The following CUX2 variants were observed in gnomAD, a reference collection of about 807,000 sequenced individuals.
The protein encoded by CUX2 is cut like homeobox 2, also known as homeobox protein cut-like 2.
In CUX2, 40 loss-of-function variants were observed where a neutral mutation model predicts 144.8. That is an observed-to-expected ratio of 0.28 (90% CI 0.21 to 0.36). The LOEUF (loss-of-function observed/expected upper bound fraction) is 0.36, where lower values mean the gene tolerates loss of function less well. CUX2 is among the 10% of genes least tolerant of loss of function. The pLI is 1.00. For synonymous variants in CUX2, 827 were observed against 875.6 expected (o/e 0.94, Z 0.98); for missense variants, 1,615 against 1,994.0 (o/e 0.81, Z 3.62).
At chr12:111,130,205 G>T (rs188876119) in intron 1 of CUX2, among the ~76,000 whole-genome samples, 149 of 152,288 alleles carry the variant, frequency 9.8e-4, no homozygotes, top group African/African-American at 3.4e-3. Flanking sequence ...TCATTCAAAG[G>T]GTTCTGGGTC....
intron 1 of CUX2, among the ~76,000 whole-genome samples, chr12:111,091,339 C>T (rs1003062010): frequency 4.6e-5 from 7 of 152,204 alleles, no homozygotes; most frequent in South Asian, 2.1e-4. Context: ...CCGACTCAGC[C>T]GTGCCCTTTT....
chr12:111,054,834 C>T (rs1870442804), intron 1 of CUX2, among the ~76,000 whole-genome samples: 1 of 152,166 alleles, frequency 6.6e-6, no homozygotes, highest in Non-Finnish European at 1.5e-5. Flanking sequence ...ACCATGTTGG[C>T]CAGGCTGGTC....
chr12:111,284,185 A>C (rs952653099), intron 4 of CUX2, among the ~76,000 whole-genome samples: 1 of 151,982 alleles, frequency 6.6e-6, no homozygotes, highest in Non-Finnish European at 1.5e-5. Context: ...GGGCCAAAGC[A>C]CCCGCCTCCA....
rs1394266515 is a variant in CUX2, at chr12:111,349,929, C to T, written c.*1604C>T. The stretch of plus-strand genomic sequence containing the variant: ...CATTTTGAAACCATATGGGCAAAAC[C>T]CGGCAACCAGAAGGGGACAGATAAG... On this transcript the variant is annotated 3_prime_UTR_variant, in exon 22 of 22. Coordinates refer to ENST00000261726, the MANE Select transcript of CUX2 (RefSeq NM_015267.4). The T allele has an allele frequency of 2.0e-5, 3 of 152,222 alleles. No homozygotes were observed. Among genetic ancestry groups the T allele is most frequent in the Admixed American group, 6.6e-5 (1 of 15,236 alleles). The allele number at this position is 152,222 out of a possible 1,614,324, so 9.4% of individuals were successfully genotyped here. A position where few individuals can be genotyped will look rare whatever the true frequency, so the allele number is the denominator to read the frequency against.
intron 1 of CUX2, among the ~76,000 whole-genome samples, chr12:111,181,963 G>C (rs1455292739): frequency 6.6e-6 from 1 of 152,144 alleles, no homozygotes; most frequent in Non-Finnish European, 1.5e-5. Context: ...TAATTCATGG[G>C]GGGTGCAAGG....
chr12:111,238,882 T>C (rs1314964102), intron 3 of CUX2, among the ~76,000 whole-genome samples: 1 of 152,070 alleles, frequency 6.6e-6, no homozygotes, highest in African/African-American at 2.4e-5. Flanking sequence ...CTGTCTCTAC[T>C]AAAAATACAA....
rs1886931618 is a variant in CUX2 at position 111,312,029 on chromosome 12, CT to C, written c.1901-70del. The C allele has an allele frequency of 2.2e-6, 3 of 1,390,336 alleles. No homozygotes were observed. The highest frequency in any genetic ancestry group is 3.0e-6 in the Non-Finnish European group (3 of 1,004,272). The allele number at this position is 1,390,336 out of a possible 1,614,324, so 86.1% of individuals were successfully genotyped here. On this transcript the variant is annotated intron_variant, in intron 15 of 21. Transcript: ENST00000261726. The surrounding 1 kb of genome is among the most constrained non-coding windows in gnomAD (Gnocchi z 4.3). The stretch of plus-strand genomic sequence containing the variant: ...CTTCTGGGAGGAGGAGACAGCCCCC[CT>C]ACCCCACCAGGCTCCGGAGACTGAG...
chr12:111,304,406 T>C lies in CUX2; in HGVS notation c.858+92T>C. On this transcript the variant is annotated intron_variant, in intron 10 of 21. Coordinates refer to ENST00000261726, the MANE Select transcript of CUX2 (RefSeq NM_015267.4). This position sits in a 1 kb window ranked among gnomAD's most constrained non-coding sequence, Gnocchi z 4.7. The stretch of plus-strand genomic sequence containing the variant: ...AGGTTTCAGCATGTGGGTGACACTT[T>C]GTGGTTGATTGTGTGCATCCATTTG... 1.0e-6 allele frequency: 1 copy of C among 996,090 alleles called. No homozygotes were observed. The highest frequency in any genetic ancestry group is 1.4e-5 in the South Asian group (1 of 70,550). The allele number at this position is 996,090 out of a possible 1,614,324, so 61.7% of individuals were successfully genotyped here.
In CUX2 at chr12:111,084,816, G is replaced by A. The variant is rs540283337; in HGVS notation, c.63+50576G>A. On this transcript the variant is annotated intron_variant, in intron 1 of 21. Coordinates refer to ENST00000261726, the MANE Select transcript of CUX2 (RefSeq NM_015267.4). ...TGGCGGGCGGGCTGGTAGACAGCCC[G>A]CTGTACCTGCTCTCACTCGGGCTCC... 4.6e-5 allele frequency among the ~76,000 whole-genome samples: 7 copies of A among 151,446 alleles called. No homozygotes were observed. The South Asian group carries it at 8.6e-4, about 19-fold the overall frequency.
chr12:111,332,227 G>C (rs971328651), intron 18 of CUX2, among the ~76,000 whole-genome samples: 1 of 145,038 alleles, frequency 6.9e-6, no homozygotes, highest in East Asian at 2.1e-4. Context: ...CCGCCTCCCA[G>C]GTTCAAGCGA....
At chr12:111,329,843 G>T (rs1888011597) in intron 18 of CUX2, among the ~76,000 whole-genome samples, 1 of 152,100 alleles carries the variant, frequency 6.6e-6, no homozygotes, top group Non-Finnish European at 1.5e-5. Flanking sequence ...CACCATGTTG[G>T]CCAGGCTGGT....
chr12:111,180,882 G>GCTC (rs1412547956), intron 1 of CUX2, among the ~76,000 whole-genome samples: 2 of 152,240 alleles, frequency 1.3e-5, no homozygotes, highest in African/African-American at 4.8e-5. Flanking sequence ...AACCTCCCGG[G>GCTC]CTCCTCCTTT....
At chr12:111,217,267 G>C (rs556902227) in intron 2 of CUX2, among the ~76,000 whole-genome samples, 89 of 152,314 alleles carry the variant, frequency 5.8e-4, no homozygotes, top group African/African-American at 2.0e-3. Flanking sequence ...TGCAGAGCTC[G>C]AATGGGGTAT....
intron 4 of CUX2, among the ~76,000 whole-genome samples, chr12:111,264,660 G>A (rs768196319): frequency 6.6e-5 from 10 of 152,134 alleles, no homozygotes; most frequent in Non-Finnish European, 1.2e-4. Context: ...CAGGAGAATC[G>A]CTTGAACCCA....
chr12:111,075,232 C>T (rs1019831190), intron 1 of CUX2, among the ~76,000 whole-genome samples: 1 of 152,190 alleles, frequency 6.6e-6, no homozygotes, highest in African/African-American at 2.4e-5. Context: ...GCCAACTAGG[C>T]GGGCCGACCC....
intron 1 of CUX2, among the ~76,000 whole-genome samples, chr12:111,207,298 G>A (rs1880973921): frequency 1.3e-5 from 2 of 152,238 alleles, no homozygotes; most frequent in South Asian, 4.1e-4. Context: ...GTCTCTGCAT[G>A]ATGGCCTTTG....
rs1051897244 is a variant in CUX2, at chr12:111,291,413, C to T, written c.302-5C>T. 2.5e-6 allele frequency: 4 copies of T among 1,605,442 alleles called. No homozygotes were observed. The highest frequency in any genetic ancestry group is 2.7e-5 in the African/African-American group (2 of 74,832). ...CACTATCCCTGTCTTTCTCTCCCTG[C>T]ACAGACCCCGTGCCTGTGTTTGAGG... On this transcript the variant is annotated splice_region_variant and splice_polypyrimidine_tract_variant and intron_variant, in intron 4 of 21. Transcript: ENST00000261726.
intron 9 of CUX2, among the ~76,000 whole-genome samples, chr12:111,301,411 G>A (rs558256142): frequency 2.6e-4 from 40 of 152,166 alleles, no homozygotes; most frequent in Non-Finnish European, 4.9e-4. Flanking sequence ...AGAGAGGAAG[G>A]GAAAGAATCT....
intron 3 of CUX2, among the ~76,000 whole-genome samples, chr12:111,247,243 G>A (rs1381503353): frequency 6.6e-6 from 1 of 152,200 alleles, no homozygotes; most frequent in Non-Finnish European, 1.5e-5. Flanking sequence ...CGGCTAGACT[G>A]GGCTGGGATC....
Sources: gnomAD v4.1 joint callset for allele counts (sites outside exome capture counted in the v4.1 genomes callset) on GRCh38, gnomAD v4.1.1 for gene constraint, Gnocchi (gnomAD v3.1) non-coding constraint, MANE v1.5 for transcripts, NCBI Gene and HGNC (gene_info 2026-07-23, HGNC 2026-07-21) for gene names.